THOC1: variants seen among roughly 807,000 people sequenced by gnomAD.
THOC1 encodes the protein THO complex 1.
Under a neutral mutation model 97.3 loss-of-function variants are expected in THOC1, and 29 were observed. The observed-to-expected ratio is 0.30, with a 90% confidence interval of 0.22 to 0.41. The LOEUF is 0.41. Among genes scored for constraint, THOC1 ranks in the 10% least tolerant of loss-of-function variants. The pLI, the probability that THOC1 is intolerant of heterozygous loss-of-function variation, is 1.00. For missense variants in THOC1, 529 were observed against 761.9 expected, an observed-to-expected ratio of 0.69 and a Z score of 3.60; for synonymous variants, 255 against 257.0, an observed-to-expected ratio of 0.99 and a Z score of 0.07.
intron 11 of THOC1, among the ~76,000 whole-genome samples, chr18:234,313 C>T (rs185505208): frequency 1.1e-4 from 16 of 152,108 alleles, no homozygotes; most frequent in East Asian, 7.7e-4. Context: ...TCCTCCAGTA[C>T]GGTGTTGAAC....
chr18:266,924 T>G (rs1032186131), intron 1 of THOC1, among the ~76,000 whole-genome samples: 7 of 151,902 alleles, frequency 4.6e-5, no homozygotes, highest in African/African-American at 1.7e-4. Context: ...ACAAAGAAAA[T>G]GATTATGATG....
chr18:224,873 C>A (rs1019881586), intron 15 of THOC1, 51 bp downstream of exon 15: 2 of 1,405,314 alleles, frequency 1.4e-6, no homozygotes, highest in African/African-American at 1.4e-5. Context: ...AAGCCTTTCT[C>A]GTCGTTCTTG....
chr18:215,190 C>T (rs1034122798), intron 20 of THOC1, among the ~76,000 whole-genome samples: 3 of 152,106 alleles, frequency 2.0e-5, no homozygotes, highest in Non-Finnish European at 4.4e-5. Context: ...AGGTATGGGT[C>T]GCCTTCAAAT....
chr18:230,797 A>C (rs1388057071), intron 11 of THOC1, among the ~76,000 whole-genome samples: 2 of 152,208 alleles, frequency 1.3e-5, no homozygotes, highest in African/African-American at 4.8e-5. Flanking sequence ...GTGCAATGGC[A>C]CCATCATAGC....
intron 11 of THOC1, chr18:245,802 T>C (rs1299261223): frequency 6.6e-6 from 1 of 152,524 alleles, no homozygotes; most frequent in Non-Finnish European, 1.5e-5. Context: ...TTGTCTCTTT[T>C]GTTTTCTCGT....
At chr18:220,989 C>T (rs1911058323) in intron 17 of THOC1, among the ~76,000 whole-genome samples, 1 of 152,132 alleles carries the variant, frequency 6.6e-6, no homozygotes, top group Admixed American at 6.5e-5. Flanking sequence ...TAAGGCTATA[C>T]ATTTCTCTTC....
At position 226,973 on chromosome 18, in the gene THOC1, G is replaced by A; in HGVS notation, c.919-72C>T. ...CAAGTTTTTCCTAAAGGTACAAAAT[G>A]TGCTAATATAGAAATGGAAGATTCC... On this transcript the variant is annotated intron_variant, in intron 11 of 20. Coordinates refer to ENST00000261600, the MANE Select transcript of THOC1 (RefSeq NM_005131.3). The A allele has an allele frequency of 1.1e-5, 13 of 1,157,772 alleles. 1 individual carries two copies. The South Asian group carries it at 1.8e-4, about 16-fold the overall frequency. The allele number at this position is 1,157,772 out of a possible 1,614,324, so 71.7% of individuals were successfully genotyped here. A position where few individuals can be genotyped will look rare whatever the true frequency, so the allele number is the denominator to read the frequency against.
At chr18:249,726 A>T (rs1474076615) in intron 9 of THOC1, among the ~76,000 whole-genome samples, 2 of 152,128 alleles carry the variant, frequency 1.3e-5, no homozygotes, top group African/African-American at 2.4e-5. Context: ...AATAGAGAAA[A>T]GAAATAGCAC....
Position 259,701 on chromosome 18 carries a change from G to A in THOC1, c.405C>T (p.Tyr135=). 1 of 1,551,520 alleles carries A rather than the reference G, an allele frequency of 6.4e-7. No individual in the cohort carries two copies. Among genetic ancestry groups the A allele is most frequent in the Non-Finnish European group, 8.7e-7 (1 of 1,147,340 alleles). The change falls in exon 6 of 21, where the codon TAC becomes TAT. Residue 135 remains tyrosine, a synonymous_variant. Coordinates refer to ENST00000261600, the MANE Select transcript of THOC1 (RefSeq NM_005131.3). ...ACTTACCATTGCACATACGTAGTAA[G>A]TAATTTTTCCCAGCAGAATAGAATG... ...SNTFYSAGKN[Y]LLRMCNDLLR... is the part of the protein sequence containing the mutation.
chr18:249,181 C>G (rs893334847), intron 9 of THOC1, among the ~76,000 whole-genome samples: 3 of 152,174 alleles, frequency 2.0e-5, no homozygotes, highest in Non-Finnish European at 4.4e-5. Context: ...AAGCTTTCAT[C>G]ATGAATTAGT....
intron 11 of THOC1, among the ~76,000 whole-genome samples, chr18:239,624 C>T (rs577768295): frequency 2.0e-5 from 3 of 152,112 alleles, no homozygotes; most frequent in African/African-American, 4.8e-5. Flanking sequence ...TGTTTTTAAA[C>T]CTATGTATCT....
intron 11 of THOC1, among the ~76,000 whole-genome samples, chr18:235,991 T>C (rs975550190): frequency 3.3e-5 from 5 of 152,174 alleles, no homozygotes; most frequent in Non-Finnish European, 7.4e-5. Context: ...ATTTTGAGGG[T>C]ATATTGTTAA....
chr18:224,897 T>C, intron 15 of THOC1, 27 bp downstream of exon 15: 1 of 1,542,166 alleles, frequency 6.5e-7, no homozygotes, highest in Non-Finnish European at 8.8e-7. Context: ...TGAGTATGTA[T>C]TTACCTTTCT....
chr18:248,895 C>T (rs1055553865), intron 9 of THOC1, among the ~76,000 whole-genome samples: 1 of 151,994 alleles, frequency 6.6e-6, no homozygotes, highest in South Asian at 2.1e-4. Flanking sequence ...GGACTACAGG[C>T]ACCCGCCACC....
intron 11 of THOC1, among the ~76,000 whole-genome samples, chr18:238,081 T>C (rs1056317838): frequency 1.3e-5 from 2 of 151,918 alleles, no homozygotes; most frequent in Non-Finnish European, 2.9e-5. Context: ...GCCAGGCTGG[T>C]TCTCAAACTC....
chr18:266,930 T>C (rs1046716748), intron 1 of THOC1, among the ~76,000 whole-genome samples: 1 of 152,080 alleles, frequency 6.6e-6, no homozygotes, highest in African/African-American at 2.4e-5. Context: ...AAAATGATTA[T>C]GATGACATAC....
Position 267,977 on chromosome 18 carries a change from T to C in THOC1, c.43A>G (p.Thr15Ala). The C allele has an allele frequency of 6.2e-7, 1 of 1,611,866 alleles. No homozygotes were observed. The highest frequency in any genetic ancestry group is 8.5e-7 in the Non-Finnish European group (1 of 1,179,194). ...PPLFSLPEARTRFTKSTREAL... is the reference protein window; with the variant it reads ...PPLFSLPEARARFTKSTREAL... ...CCTCTACAGCTCACCGTAAACCGCG[T>C]CCGCGCTTCGGGCAAACTGAAGAGC... is the stretch of plus-strand genomic sequence containing the variant. Residue 15 changes from threonine to alanine, a missense_variant, in exon 1 of 21, where the codon ACG (threonine) becomes GCG (alanine). Physicochemically the swap from Thr to Ala is moderately conservative, Grantham distance 58. Transcript: ENST00000261600.
At chr18:232,539 CT>C (rs1470603318) in intron 11 of THOC1, among the ~76,000 whole-genome samples, 1 of 151,652 alleles carries the variant, frequency 6.6e-6, no homozygotes, top group Non-Finnish European at 1.5e-5. Context: ...TGTTTCTAAA[CT>C]TTCATTTACA....
At position 254,261 on chromosome 18, in the gene THOC1, A is replaced by G. The variant is rs778878769; in HGVS notation, c.603+12T>C. On this transcript the variant is annotated intron_variant, in intron 8 of 20. Coordinates refer to ENST00000261600, the MANE Select transcript of THOC1 (RefSeq NM_005131.3). This position sits in a 1 kb window ranked among gnomAD's most constrained non-coding sequence, Gnocchi z 4.1. Reference sequence around the variant, plus strand: ...AAATATGTTATCTGAGAAGATTTCAAATCAGCCTCACCTTCTGACCCAGGG... The same window carrying G: ...AAATATGTTATCTGAGAAGATTTCAGATCAGCCTCACCTTCTGACCCAGGG... The G allele has an allele frequency of 1.9e-6, 3 of 1,556,510 alleles. No individual in the cohort carries two copies. The highest frequency in any genetic ancestry group is 2.6e-6 in the Non-Finnish European group (3 of 1,143,530).
Sources: gnomAD v4.1 joint callset for allele counts (sites outside exome capture counted in the v4.1 genomes callset) on GRCh38, gnomAD v4.1.1 for gene constraint, Gnocchi (gnomAD v3.1) non-coding constraint, MANE v1.5 for transcripts, NCBI Gene and HGNC (gene_info 2026-07-23, HGNC 2026-07-21) for gene names.